PTPN4: variants seen among roughly 807,000 people sequenced by gnomAD.
PTPN4 encodes the protein protein tyrosine phosphatase non-receptor type 4, also known as tyrosine-protein phosphatase non-receptor type 4.
PTPN4 carries 49 observed loss-of-function variants against 135.5 expected under a neutral mutation model. The observed-to-expected ratio is 0.36, with a 90% CI of 0.29 to 0.46. The LOEUF (loss-of-function observed/expected upper bound fraction) is 0.46, where lower values mean the gene tolerates loss of function less well. Among genes scored for constraint, PTPN4 ranks in the 20% least tolerant of loss-of-function variants. The probability of loss-of-function intolerance (pLI) is 1.00; values close to 1 mark genes in which losing one functional copy is unlikely to be tolerated. For synonymous variants in PTPN4, 333 were observed against 369.9 expected (o/e 0.90, Z 1.14); for missense variants, 860 against 1,101.0 (o/e 0.78, Z 3.10).
chr2:119,950,539 A>G (rs1558772752), intron 18 of PTPN4, among the ~76,000 whole-genome samples: 1 of 152,214 alleles, frequency 6.6e-6, no homozygotes, highest in Non-Finnish European at 1.5e-5. Flanking sequence ...CTTCTAGACC[A>G]GTGTTTTTTC....
chr2:119,934,539 C>G (rs1006863748), intron 14 of PTPN4, among the ~76,000 whole-genome samples: 1 of 152,080 alleles, frequency 6.6e-6, no homozygotes, highest in Non-Finnish European at 1.5e-5. Flanking sequence ...TGACTAACAC[C>G]TAGAAACATG....
chr2:119,954,515 T>A (rs1046336919), intron 19 of PTPN4, among the ~76,000 whole-genome samples: 2 of 152,312 alleles, frequency 1.3e-5, no homozygotes. Flanking sequence ...GGCTACAGTT[T>A]GTGGAGGGAC....
chr2:119,807,687 TCAATA>T (rs1691498163), intron 1 of PTPN4, among the ~76,000 whole-genome samples: 1 of 152,042 alleles, frequency 6.6e-6, no homozygotes, highest in East Asian at 1.9e-4. Flanking sequence ...ACTATTCCAA[TCAATA>T]GAAAAAGAGA....
chr2:119,866,195 A>T (rs1677832531), intron 3 of PTPN4, among the ~76,000 whole-genome samples: 1 of 152,070 alleles, frequency 6.6e-6, no homozygotes, highest in African/African-American at 2.4e-5. Context: ...AGTGGTCTTT[A>T]TCAGCATGCT....
chr2:119,899,565 C>A (rs1202757813), intron 9 of PTPN4, among the ~76,000 whole-genome samples: 2 of 152,016 alleles, frequency 1.3e-5, no homozygotes, highest in African/African-American at 4.8e-5. Context: ...ATTACAGATT[C>A]TTTTGCTTTA....
At chr2:119,937,869 A>T (rs1240123206) in intron 15 of PTPN4, among the ~76,000 whole-genome samples, 2 of 151,754 alleles carry the variant, frequency 1.3e-5, no homozygotes, top group Non-Finnish European at 2.9e-5. Flanking sequence ...GAGTTCGAGG[A>T]TGTATTGCTC....
chr2:119,903,686 A>G (rs1293985085), intron 10 of PTPN4, among the ~76,000 whole-genome samples: 3 of 151,616 alleles, frequency 2.0e-5, no homozygotes, highest in Admixed American at 6.6e-5. Context: ...CTCTACCACT[A>G]TTGTCCCCCA....
At chr2:119,949,441 A>G (rs1301816617) in intron 18 of PTPN4, among the ~76,000 whole-genome samples, 1 of 152,064 alleles carries the variant, frequency 6.6e-6, no homozygotes, top group Admixed American at 6.5e-5. Context: ...CATTTTTTAT[A>G]TTGGACATCT....
Position 119,871,651 on chromosome 2 carries a change from G to A in PTPN4, c.247-5672G>A, listed in dbSNP as rs931730505. ...CCTCTTTGGATGGAAGAGTAGAATTGGAAGAGCCATAATAAAGGACTTTTA... is the reference window on the plus strand; with the variant it reads ...CCTCTTTGGATGGAAGAGTAGAATTAGAAGAGCCATAATAAAGGACTTTTA... On this transcript the variant is annotated intron_variant, in intron 3 of 26. Transcript: ENST00000263708. 1.2e-4 allele frequency among the ~76,000 whole-genome samples: 19 copies of A among 152,110 alleles called. No homozygotes were observed. The South Asian group carries it at 2.5e-3, about 20-fold the overall frequency.
In PTPN4 at chr2:119,982,528, A is replaced by G. The variant is rs986645546; in HGVS notation, c.*5458A>G. 5.3e-5 allele frequency: 8 copies of G among 152,236 alleles called. No individual in the cohort carries two copies. Among genetic ancestry groups the G allele is most frequent in the Non-Finnish European group, 1.2e-4 (8 of 68,038 alleles). 9.4% of individuals were successfully genotyped at this position (152,236 alleles called of 1,614,324 possible). A position where few individuals can be genotyped will look rare whatever the true frequency, so the allele number is the denominator to read the frequency against. On this transcript the variant is annotated 3_prime_UTR_variant, in exon 27 of 27. Transcript: ENST00000263708. ...TGAAGCATTTTCAGATATAATGTAC[A>G]TTCTTTTTCATTTTGCTTTGCCTCT... is the stretch of plus-strand genomic sequence containing the variant.
chr2:119,789,346 G>T (rs1485200319), intron 1 of PTPN4, among the ~76,000 whole-genome samples: 1 of 152,050 alleles, frequency 6.6e-6, no homozygotes, highest in Non-Finnish European at 1.5e-5. Flanking sequence ...TACATGATTG[G>T]CAAATATTTC....
At position 119,903,556 on chromosome 2, in the gene PTPN4, G is replaced by GACACACAC. The variant is rs35324437; in HGVS notation, c.764+2771_764+2778dup. On this transcript the variant is annotated intron_variant, in intron 10 of 26. Transcript: ENST00000263708. ...TTGGCTGGCCATACCTGCAGCTGCT[G>GACACACAC]ACACACACACACACACACACACACA... Among the ~76,000 whole-genome samples, 350 of 147,746 alleles carry GACACACAC rather than the reference G, an allele frequency of 2.4e-3. 1 individual carries two copies. Among genetic ancestry groups the GACACACAC allele is most frequent in the African/African-American group, 8.5e-3 (340 of 40,202 alleles).
chr2:119,963,790 T>C (rs778039416), intron 24 of PTPN4, among the ~76,000 whole-genome samples: 2 of 152,202 alleles, frequency 1.3e-5, no homozygotes, highest in Non-Finnish European at 2.9e-5. Flanking sequence ...CAATATGATA[T>C]TTCTTCATTT....
rs936783828 is a variant in PTPN4, at chr2:119,825,377, A to G, written c.138+15386A>G. On this transcript the variant is annotated intron_variant, in intron 2 of 26. Coordinates refer to ENST00000263708, the MANE Select transcript of PTPN4 (RefSeq NM_002830.4). Reference sequence around the variant, plus strand: ...TTTTCACACTTGTTTCATTCTTGTCAGTAACAATGTGGTGGGGCAGTTACC... The same window carrying G: ...TTTTCACACTTGTTTCATTCTTGTCGGTAACAATGTGGTGGGGCAGTTACC... Among the ~76,000 whole-genome samples the G allele has an allele frequency of 2.0e-5, 3 of 152,260 alleles. No homozygotes were observed. The East Asian group carries it at 5.8e-4, about 29-fold the overall frequency.
intron 1 of PTPN4, among the ~76,000 whole-genome samples, chr2:119,775,827 ATATCTATATC>A (rs1422990148): frequency 3.3e-4 from 50 of 151,814 alleles, no homozygotes; most frequent in African/African-American, 1.2e-3. Flanking sequence ...ATCTATATCT[ATATCTATATC>A]TATATATCTA....
intron 26 of PTPN4, among the ~76,000 whole-genome samples, chr2:119,973,453 A>T (rs1679565553): frequency 6.6e-6 from 1 of 152,124 alleles, no homozygotes; most frequent in African/African-American, 2.4e-5. Context: ...ATATGGGTGT[A>T]TAAAGATCTC....
chr2:119,847,311 C>T (rs187587040), intron 2 of PTPN4, among the ~76,000 whole-genome samples: 22,582 of 105,936 alleles, frequency 0.21, 2,674 homozygotes, highest in South Asian at 0.25. Context: ...CACACACACA[C>T]ACACATATAT....
intron 5 of PTPN4, among the ~76,000 whole-genome samples, chr2:119,878,783 A>G (rs961238515): frequency 6.6e-6 from 1 of 151,252 alleles, no homozygotes; most frequent in Non-Finnish European, 1.5e-5. Flanking sequence ...GTAGAATCCA[A>G]GCTAATTCCT....
chr2:119,777,409 ATT>A (rs1200602709), intron 1 of PTPN4, among the ~76,000 whole-genome samples: 9 of 152,028 alleles, frequency 5.9e-5, no homozygotes, highest in Middle Eastern at 3.2e-3. Context: ...TACTATATAT[ATT>A]TTTTTCTTTC....
Sources: allele counts gnomAD v4.1 joint callset (sites outside exome capture counted in the v4.1 genomes callset), GRCh38; gene constraint gnomAD v4.1.1; transcripts MANE v1.5; gene names NCBI Gene and HGNC (gene_info 2026-07-23, HGNC 2026-07-21).